RIMS1: variants seen among roughly 807,000 people sequenced by gnomAD.
RIMS1 encodes the protein regulating synaptic membrane exocytosis 1, also known as regulating synaptic membrane exocytosis protein 1.
A neutral mutation model predicts 214.1 loss-of-function variants in RIMS1; 83 were observed. The ratio of observed to expected loss-of-function variants is 0.39; its 90% CI spans 0.32 to 0.47. RIMS1 has a LOEUF of 0.47. RIMS1 is among the 20% of genes least tolerant of loss of function. RIMS1 has a pLI of 0.99. For missense variants in RIMS1, 2,050 were observed against 2,161.8 expected, an observed-to-expected ratio of 0.95 and a Z score of 1.03; for synonymous variants, 793 against 786.8, an observed-to-expected ratio of 1.01 and a Z score of -0.13.
intron 1 of RIMS1, among the ~76,000 whole-genome samples, chr6:71,925,526 T>C (rs1269877883): frequency 6.6e-6 from 1 of 152,202 alleles, no homozygotes; most frequent in South Asian, 2.1e-4. Flanking sequence ...TTGAGAACAA[T>C]GATTTAATAG....
In RIMS1 at chr6:72,274,341, G is replaced by A. The variant is rs770137468; in HGVS notation, c.3399-8G>A. 3.1e-6 allele frequency: 5 copies of A among 1,601,684 alleles called. No homozygotes were observed. In the Admixed American group the frequency reaches 6.7e-5, roughly 21 times the overall value. ...TGTTTTTTCCTGTCTTGTTCACTGG[G>A]CAAACAGGGGTAGATGGTCCCCCTC... On this transcript the variant is annotated splice_polypyrimidine_tract_variant and splice_region_variant and intron_variant, in intron 22 of 33. Transcript: ENST00000521978.
chr6:72,010,031 A>G (rs1041070134), intron 2 of RIMS1, among the ~76,000 whole-genome samples: 2 of 152,222 alleles, frequency 1.3e-5, no homozygotes, highest in Admixed American at 1.3e-4. Flanking sequence ...ACAACAAAAA[A>G]GAGAATTTTA....
intron 2 of RIMS1, among the ~76,000 whole-genome samples, chr6:72,064,684 T>A (rs1221227145): frequency 1.1e-5 from 1 of 93,088 alleles, no homozygotes; most frequent in Non-Finnish European, 2.1e-5. Context: ...TTCATTTCTA[T>A]GATGATGAAG....
At chr6:72,318,204 A>G (rs1051925010) in intron 28 of RIMS1, among the ~76,000 whole-genome samples, 2 of 152,172 alleles carry the variant, frequency 1.3e-5, no homozygotes, top group South Asian at 4.1e-4. Context: ...ATCAATTTGC[A>G]TTTATTTTGA....
intron 4 of RIMS1, among the ~76,000 whole-genome samples, chr6:72,113,303 G>A (rs778180463): frequency 4.0e-4 from 61 of 152,112 alleles, no homozygotes; most frequent in Middle Eastern, 6.8e-3. Context: ...CTTGATTCTC[G>A]TCTGTATGAC....
At chr6:72,086,205 C>T (rs760330343) in intron 2 of RIMS1, among the ~76,000 whole-genome samples, 12 of 152,042 alleles carry the variant, frequency 7.9e-5, no homozygotes, top group African/African-American at 2.4e-4. Context: ...TCACAAAAAG[C>T]GTTGAAGGAG....
intron 1 of RIMS1, among the ~76,000 whole-genome samples, chr6:71,929,289 A>G (rs1379114123): frequency 6.6e-6 from 1 of 152,152 alleles, no homozygotes; most frequent in Non-Finnish European, 1.5e-5. Flanking sequence ...GTTAATGACT[A>G]ACACTTTGGT....
At chr6:72,319,055 G>A (rs532782368) in intron 28 of RIMS1, among the ~76,000 whole-genome samples, 53 of 151,872 alleles carry the variant, frequency 3.5e-4, no homozygotes, top group African/African-American at 1.0e-3. Context: ...TACTTGAAAA[G>A]GATAATATTT....
chr6:72,054,302 C>T (rs768453222), intron 2 of RIMS1, among the ~76,000 whole-genome samples: 1 of 152,040 alleles, frequency 6.6e-6, no homozygotes, highest in Admixed American at 6.6e-5. Context: ...ATATATGTGC[C>T]ACATTTTCTT....
chr6:72,295,613 A>C (rs1423900707), intron 26 of RIMS1, among the ~76,000 whole-genome samples: 1 of 151,830 alleles, frequency 6.6e-6, no homozygotes, highest in Non-Finnish European at 1.5e-5. Flanking sequence ...TGTTTTAATA[A>C]AATTGGTACT....
At chr6:72,104,667 A>G (rs2034360606) in intron 4 of RIMS1, among the ~76,000 whole-genome samples, 1 of 152,194 alleles carries the variant, frequency 6.6e-6, no homozygotes. Context: ...GCAGAGAAGA[A>G]AGGAAGTTGG....
At chr6:72,088,039 G>T (rs1835120619) in intron 2 of RIMS1, among the ~76,000 whole-genome samples, 1 of 151,946 alleles carries the variant, frequency 6.6e-6, no homozygotes, top group Admixed American at 6.6e-5. Flanking sequence ...GATGTATGTG[G>T]TCTGCTACTA....
chr6:72,015,709 G>A (rs971649430), intron 2 of RIMS1, among the ~76,000 whole-genome samples: 2 of 151,898 alleles, frequency 1.3e-5, no homozygotes, highest in African/African-American at 2.4e-5. Flanking sequence ...GGCAGATCAC[G>A]AGGTCAGGAG....
chr6:72,378,405 A>C lies in RIMS1; in HGVS notation c.4367-12193A>C, dbSNP rs118049295. Among the ~76,000 whole-genome samples the C allele has an allele frequency of 4.4e-3, 674 of 152,308 alleles. 2 individuals are homozygous for C. The highest frequency in any genetic ancestry group is 7.3e-3 in the South Asian group (35 of 4,824). ...TTCCATTTTACAGAATATAGAAAAC[A>C]CTTTTTCTTAATTTTCTTTGTGACC... On this transcript the variant is annotated intron_variant, in intron 29 of 33. Coordinates refer to ENST00000521978, the MANE Select transcript of RIMS1 (RefSeq NM_014989.7).
rs180751148 is a variant in RIMS1 at position 72,123,543 on chromosome 6, C to T, written c.471+23557C>T. 2.3e-4 allele frequency among the ~76,000 whole-genome samples: 35 copies of T among 151,922 alleles called. No individual in the cohort carries two copies. In the Middle Eastern group the frequency reaches 0.01, roughly 44 times the overall value. ...GGATATCCTTGTTAACTTTCTGTCT[C>T]GTTGATCTGTCTAATATTGACAGTG... On this transcript the variant is annotated intron_variant, in intron 4 of 33. Transcript: ENST00000521978.
At chr6:72,076,582 A>T (rs1247408906) in intron 2 of RIMS1, among the ~76,000 whole-genome samples, 1 of 152,200 alleles carries the variant, frequency 6.6e-6, no homozygotes, top group Non-Finnish European at 1.5e-5. Flanking sequence ...TCAATTTAAC[A>T]TTTGAATATT....
Position 71,886,898 on chromosome 6 carries a change from C to A in RIMS1, c.-126C>A. ...GCTGCTGCTGCTGCCGCCGCCGCCGCTGCTCCTCCTCCTGCCGCCGCCGCT... is the reference window on the plus strand; with the variant it reads ...GCTGCTGCTGCTGCCGCCGCCGCCGATGCTCCTCCTCCTGCCGCCGCCGCT... On this transcript the variant is annotated 5_prime_UTR_variant, in exon 1 of 34. In the 5' UTR this introduces an upstream ATG that the reference lacks. Transcript: ENST00000521978. 9.2e-7 allele frequency: 1 copy of A among 1,085,404 alleles called. No homozygotes were observed. The allele number at this position is 1,085,404 out of a possible 1,614,324, so 67.2% of individuals were successfully genotyped here.
Position 72,183,149 on chromosome 6 carries a change from G to T in RIMS1, c.1678G>T (p.Gly560Cys). The T allele has an allele frequency of 6.3e-7, 1 of 1,590,772 alleles. No individual in the cohort carries two copies. The highest frequency in any genetic ancestry group is 8.5e-7 in the Non-Finnish European group (1 of 1,170,136). ...GGAGAGCGAGAGCGTCAGCGAGAAA[G>T]GTAAGGGGGCGGCGCCGGCCGTGCG... ...ELESESVSEK[G>C]DLDYYWLDPA... The change falls in exon 6 of 34, where the codon GGT becomes TGT. Residue 560 changes from glycine (G) to cysteine (C), a missense_variant and splice_region_variant. Around this residue, in one of 6 missense-constraint regions of RIMS1, gnomAD observed 882 missense variants for 828.9 expected, o/e 1.06. Transcript: ENST00000521978.
At chr6:72,013,917 A>G (rs961023989) in intron 2 of RIMS1, among the ~76,000 whole-genome samples, 1 of 152,134 alleles carries the variant, frequency 6.6e-6, no homozygotes, top group Admixed American at 6.6e-5. Flanking sequence ...GGTAACCACT[A>G]ATCTACTTTC....
Sources: allele counts gnomAD v4.1 joint callset (sites outside exome capture counted in the v4.1 genomes callset), GRCh38; gene constraint gnomAD v4.1.1; regional missense constraint gnomAD v4.1.1; transcripts MANE v1.5; gene names NCBI Gene and HGNC (gene_info 2026-07-23, HGNC 2026-07-21).